The following RIPK4 variants were observed in gnomAD, a reference collection of about 807,000 sequenced individuals.
The protein encoded by RIPK4 is receptor interacting serine/threonine kinase 4.
A neutral mutation model predicts 42.9 loss-of-function variants in RIPK4; 17 were observed. The ratio of observed to expected loss-of-function variants is 0.40; its 90% CI spans 0.27 to 0.59. RIPK4 has a LOEUF of 0.59. Ranked by LOEUF, RIPK4 falls within the 20% of genes least tolerant of loss-of-function variation. RIPK4 has a pLI of 0.47. For synonymous variants in RIPK4, 498 were observed against 499.1 expected, an observed-to-expected ratio of 1.00 and a Z score of 0.03; for missense variants, 897 against 1,104.4, an observed-to-expected ratio of 0.81 and a Z score of 2.66.
chr21:41,756,666 C>T lies in RIPK4; in HGVS notation c.333G>A (p.Glu111=), dbSNP rs372027386. Residue 111 remains glutamate (E), a synonymous_variant, in exon 2 of 8, where the codon GAG becomes GAA. Transcript: ENST00000332512. ...TGSLEKLLAS[E]PLPWDLRFRI... ...GGAACCGGAGATCCCATGGCAATGG[C>T]TCCGAAGCCAGCAGCTTTTCCAGGG... 5 of 1,614,064 alleles carry T rather than the reference C, an allele frequency of 3.1e-6. No individual in the cohort carries two copies. Among genetic ancestry groups the T allele is most frequent in the South Asian group, 1.1e-5 (1 of 91,090 alleles).
chr21:41,740,374 A>C lies in RIPK4; in HGVS notation c.*464T>G, dbSNP rs547053440. 1 of 160,758 alleles carries C rather than the reference A, an allele frequency of 6.2e-6. No individual in the cohort carries two copies. 10.0% of individuals were successfully genotyped at this position (160,758 alleles called of 1,614,324 possible). ...TATTCATCTCTTAAGATATTTTATAAAACAATTCCATGGAAACTTTAAGAC... is the reference window on the plus strand; with the variant it reads ...TATTCATCTCTTAAGATATTTTATACAACAATTCCATGGAAACTTTAAGAC... On this transcript the variant is annotated 3_prime_UTR_variant, in exon 8 of 8. Coordinates refer to ENST00000332512, the MANE Select transcript of RIPK4 (RefSeq NM_020639.3).
Position 41,741,462 on chromosome 21 carries a change from A to G in RIPK4, c.1731T>C (p.Ala577=). ...CGATGGGCAGGTGGCCCTGCCAGGC[A>G]GCGTAGTGCAGTGGCAGCCAGGCAT... ...GKDAWLPLHY[A]AWQGHLPIVK... Residue 577 remains alanine, a synonymous_variant, in exon 8 of 8, where the codon GCT becomes GCC. Transcript: ENST00000332512. The G allele has an allele frequency of 6.2e-7, 1 of 1,612,848 alleles. No individual in the cohort carries two copies. The highest frequency in any genetic ancestry group is 8.5e-7 in the Non-Finnish European group (1 of 1,179,950).
At position 41,756,518 on chromosome 21, in the gene RIPK4, C is replaced by T; in HGVS notation, c.474+7G>A. The T allele has an allele frequency of 1.2e-6, 2 of 1,610,482 alleles. No homozygotes were observed. Among genetic ancestry groups the T allele is most frequent in the Non-Finnish European group, 1.7e-6 (2 of 1,178,566 alleles). Reference sequence around the variant, plus strand: ...CCAGCTCTCTCGGGCACCGTGCGGCCCCCCACCTTGACGTGGTAGTGGGCA... The same window carrying T: ...CCAGCTCTCTCGGGCACCGTGCGGCTCCCCACCTTGACGTGGTAGTGGGCA... On this transcript the variant is annotated splice_region_variant and intron_variant, in intron 2 of 7. Transcript: ENST00000332512.
At chr21:41,761,847 C>T (rs1175443557) in intron 1 of RIPK4, among the ~76,000 whole-genome samples, 4 of 152,200 alleles carry the variant, frequency 2.6e-5, no homozygotes, top group African/African-American at 9.7e-5. Flanking sequence ...CCGGTGACTT[C>T]TGATTGCAGA....
chr21:41,747,103 T>C (rs2061174330), intron 4 of RIPK4, among the ~76,000 whole-genome samples: 2 of 152,234 alleles, frequency 1.3e-5, no homozygotes, highest in Admixed American at 1.3e-4. Flanking sequence ...CAATATCTTA[T>C]GAGGCTCATT....
Position 41,741,288 on chromosome 21 carries a change from C to A in RIPK4, c.1905G>T (p.Leu635=), listed in dbSNP as rs752304565. The A allele has an allele frequency of 2.5e-6, 4 of 1,608,084 alleles. No homozygotes were observed. In the Admixed American group the frequency reaches 6.7e-5, roughly 27 times the overall value. ...DLCSDVNVCS[L]LAQTPLHVAA... ...CCACGTGCAGGGGTGTCTGTGCCAG[C>A]AGGCTGCAGACGTTGACGTCGGAGC... The change falls in exon 8 of 8, where the codon CTG becomes CTT. Residue 635 remains leucine, a synonymous_variant. Transcript: ENST00000332512.
chr21:41,749,472 C>G (rs1389685584), intron 3 of RIPK4, among the ~76,000 whole-genome samples: 1 of 152,228 alleles, frequency 6.6e-6, no homozygotes, highest in Non-Finnish European at 1.5e-5. Flanking sequence ...AAAGAGGGTG[C>G]CACCCTATGC....
In RIPK4 at chr21:41,742,889, T is replaced by TA. The variant is rs530477259; in HGVS notation, c.1196-893dup. On this transcript the variant is annotated intron_variant, in intron 7 of 7. Coordinates refer to ENST00000332512, the MANE Select transcript of RIPK4 (RefSeq NM_020639.3). This position sits in a 1 kb window ranked among gnomAD's most constrained non-coding sequence, Gnocchi z 5.1. ...GGTGGTATTTCTTTCTGCTCAGTCT[T>TA]AGACTTTGCCCTGACTCTCCTCCTC... Among the ~76,000 whole-genome samples, 141 of 152,280 alleles carry TA rather than the reference T, an allele frequency of 9.3e-4. No individual in the cohort carries two copies. Among genetic ancestry groups the TA allele is most frequent in the Non-Finnish European group, 1.7e-3 (119 of 68,020 alleles).
intron 6 of RIPK4, among the ~76,000 whole-genome samples, chr21:41,744,979 C>G (rs948082815): frequency 9.9e-5 from 15 of 152,178 alleles, no homozygotes; most frequent in African/African-American, 2.7e-4. Context: ...CCCCAACTCC[C>G]CACCCTTTGT....
rs200691888 is a variant in RIPK4, at chr21:41,741,600, G to A, written c.1593C>T (p.Asn531=). 78 of 1,612,288 alleles carry A rather than the reference G, an allele frequency of 4.8e-5. No homozygotes were observed. The highest frequency in any genetic ancestry group is 6.7e-5 in the East Asian group (3 of 44,888). Residue 531 remains asparagine, a synonymous_variant, in exon 8 of 8, where the codon AAC becomes AAT. Coordinates refer to ENST00000332512, the MANE Select transcript of RIPK4 (RefSeq NM_020639.3). ...RLLLEKNASV[N]EVDFEGRTPM... ...GCGTCCGGCCCTCAAAGTCCACCTC[G>A]TTGACCGAGGCGTTCTTCTCCAACA...
In RIPK4 at chr21:41,749,043, T is replaced by C. The variant is rs2061180243; in HGVS notation, c.673+111A>G. ...AAATTACACCACAGAGCAGCACCTA[T>C]GGCAGCGTGGATCACAGGCTCTGTT... On this transcript the variant is annotated intron_variant, in intron 4 of 7. Coordinates refer to ENST00000332512, the MANE Select transcript of RIPK4 (RefSeq NM_020639.3). 9.1e-6 allele frequency: 10 copies of C among 1,099,398 alleles called. No individual in the cohort carries two copies. The South Asian group carries it at 1.0e-4, about 12-fold the overall frequency. 68.1% of individuals were successfully genotyped at this position (1,099,398 alleles called of 1,614,324 possible).
At chr21:41,766,820 C>T in intron 1 of RIPK4, 40 bp downstream of exon 1, 4 of 1,578,242 alleles carry the variant, frequency 2.5e-6, no homozygotes, top group Middle Eastern at 1.8e-4. Context: ...GACCCCAGCC[C>T]GGGCCCCAGC....
Position 41,755,157 on chromosome 21 carries a change from C to T in RIPK4, c.474+1368G>A, listed in dbSNP as rs993932484. Among the ~76,000 whole-genome samples the T allele has an allele frequency of 3.9e-5, 6 of 152,148 alleles. No homozygotes were observed. Among genetic ancestry groups the T allele is most frequent in the East Asian group, 1.9e-4 (1 of 5,204 alleles). On this transcript the variant is annotated intron_variant, in intron 2 of 7. Transcript: ENST00000332512. The surrounding 1 kb of genome is among the most constrained non-coding windows in gnomAD (Gnocchi z 4.2). ...GCCCAGCCCTGCCCATCACAGGAAA[C>T]GGGAATCCCAGGGGTCCCAGAACAT... is the stretch of plus-strand genomic sequence containing the variant.
At chr21:41,752,621 C>T (rs1264870577) in intron 2 of RIPK4, among the ~76,000 whole-genome samples, 7 of 152,212 alleles carry the variant, frequency 4.6e-5, no homozygotes, top group Admixed American at 3.9e-4. Context: ...CAGAGGAACG[C>T]CATCACCCGA....
In RIPK4 at chr21:41,740,643, G is replaced by A. The variant is rs994583423; in HGVS notation, c.*195C>T. On this transcript the variant is annotated 3_prime_UTR_variant, in exon 8 of 8. Coordinates refer to ENST00000332512, the MANE Select transcript of RIPK4 (RefSeq NM_020639.3). ...TAGATCGATGATGGAGCGGGCATGT[G>A]CACCTGAGCCAGCTTCACCTGGAGG... 1.3e-5 allele frequency: 8 copies of A among 596,746 alleles called. No individual in the cohort carries two copies. The highest frequency in any genetic ancestry group is 1.3e-4 in the African/African-American group (7 of 53,524). 37.0% of individuals were successfully genotyped at this position (596,746 alleles called of 1,614,324 possible).
At chr21:41,753,494 T>G (rs1287815638) in intron 2 of RIPK4, among the ~76,000 whole-genome samples, 1 of 152,204 alleles carries the variant, frequency 6.6e-6, no homozygotes, top group African/African-American at 2.4e-5. Context: ...ACCCTCTATG[T>G]TCTCCTCCCT....
rs2061149963 is a variant in RIPK4, at chr21:41,740,755, C to G, written c.*83G>C. The G allele has an allele frequency of 1.4e-6, 2 of 1,390,660 alleles. No homozygotes were observed. Among genetic ancestry groups the G allele is most frequent in the Non-Finnish European group, 1.9e-6 (2 of 1,039,072 alleles). The allele number at this position is 1,390,660 out of a possible 1,614,324, so 86.1% of individuals were successfully genotyped here. A position where few individuals can be genotyped will look rare whatever the true frequency, so the allele number is the denominator to read the frequency against. On this transcript the variant is annotated 3_prime_UTR_variant, in exon 8 of 8. Transcript: ENST00000332512. ...ATTTAGGTAAGCCACAACAGGGCCC[C>G]ACGCAGGATCGTTCCATCCCCACGA... is the stretch of plus-strand genomic sequence containing the variant.
intron 3 of RIPK4, 116 bp downstream of exon 3, chr21:41,750,981 G>C: frequency 7.4e-7 from 1 of 1,351,948 alleles, no homozygotes; most frequent in Non-Finnish European, 1.0e-6. Flanking sequence ...CCTGGCCCGA[G>C]CCCCATTTCT....
At chr21:41,766,385 G>A (rs951105655) in intron 1 of RIPK4, among the ~76,000 whole-genome samples, 7 of 152,232 alleles carry the variant, frequency 4.6e-5, no homozygotes, top group African/African-American at 1.7e-4. Context: ...CACTCACAAA[G>A]CCCAGAGGCC....
Sources: allele counts gnomAD v4.1 joint callset (sites outside exome capture counted in the v4.1 genomes callset), GRCh38; gene constraint gnomAD v4.1.1; non-coding constraint Gnocchi (gnomAD v3.1); transcripts MANE v1.5; gene names NCBI Gene and HGNC (gene_info 2026-07-23, HGNC 2026-07-21).